Variants in EFCAB11 observed in about 807,000 individuals in gnomAD.
EFCAB11 encodes EF-hand calcium-binding domain-containing protein 11.
EFCAB11 carries 14 observed loss-of-function variants against 23.0 expected under a neutral mutation model. That is an observed-to-expected ratio of 0.61 (90% CI 0.40 to 0.95). EFCAB11 has a LOEUF of 0.95. Ranked by LOEUF, EFCAB11 falls within the 40% of genes least tolerant of loss-of-function variation. The pLI is 0.00. For missense variants in EFCAB11, 198 were observed against 195.8 expected (o/e 1.01, Z -0.07); for synonymous variants, 65 against 66.6 (o/e 0.98, Z 0.11).
chr14:89,826,069 T>C (rs1370304953), intron 5 of EFCAB11, among the ~76,000 whole-genome samples: 2 of 150,960 alleles, frequency 1.3e-5, no homozygotes, highest in African/African-American at 2.5e-5. Context: ...ACAAATAAGA[T>C]CTCTCTTTCT....
chr14:89,817,198 G>C (rs1351425782), intron 5 of EFCAB11, among the ~76,000 whole-genome samples: 4 of 151,998 alleles, frequency 2.6e-5, no homozygotes, highest in Non-Finnish European at 4.4e-5. Flanking sequence ...ACTTAAGAGA[G>C]ATCAGAATGT....
chr14:89,860,110 T>C (rs563498235), intron 5 of EFCAB11, among the ~76,000 whole-genome samples: 2 of 152,222 alleles, frequency 1.3e-5, no homozygotes, highest in South Asian at 4.1e-4. Flanking sequence ...ATGCCTGTAA[T>C]CCCAGCATTT....
intron 5 of EFCAB11, among the ~76,000 whole-genome samples, chr14:89,872,854 G>GAC (rs34058468): frequency 0.26 from 39,330 of 148,746 alleles, 7,497 homozygotes; most frequent in African/African-American, 0.54. Context: ...AAGAGATTAG[G>GAC]ACACACACAC....
intron 5 of EFCAB11, among the ~76,000 whole-genome samples, chr14:89,914,070 C>T (rs573511812): frequency 1.3e-5 from 2 of 152,346 alleles, no homozygotes; most frequent in Admixed American, 6.5e-5. Flanking sequence ...GTGCTCCCTT[C>T]TCCAATCTTA....
chr14:89,848,141 T>C (rs1195590961), intron 5 of EFCAB11, among the ~76,000 whole-genome samples: 1 of 152,216 alleles, frequency 6.6e-6, no homozygotes, highest in Non-Finnish European at 1.5e-5. Context: ...TTAATTTATA[T>C]CATTATCCTG....
At chr14:89,836,664 G>C (rs745955369) in intron 5 of EFCAB11, 1 of 456,724 alleles carries the variant, frequency 2.2e-6, no homozygotes, top group Non-Finnish European at 4.4e-6. Context: ...ATGTACATCT[G>C]TCAGGGTAGA....
rs10530483 is a variant in EFCAB11, at chr14:89,881,452, C to CATATATAT, written c.410+50081_410+50088dup. ...ATTTTTGGTCTACTTTATGACTTGG[C>CATATATAT]ATATATATATATATTCTTTTTTTTT... On this transcript the variant is annotated intron_variant, in intron 5 of 5. Coordinates refer to ENST00000316738, the MANE Select transcript of EFCAB11 (RefSeq NM_145231.4). 1.4e-3 allele frequency among the ~76,000 whole-genome samples: 64 copies of CATATATAT among 46,760 alleles called. 14 individuals are homozygous for CATATATAT. The highest frequency in any genetic ancestry group is 2.6e-3 in the African/African-American group (37 of 13,980). The allele number at this position is 46,760 out of a possible 152,430, so 30.7% of individuals were successfully genotyped here. A position where few individuals can be genotyped will look rare whatever the true frequency, so the allele number is the denominator to read the frequency against.
intron 5 of EFCAB11, among the ~76,000 whole-genome samples, chr14:89,827,590 T>C (rs1886735964): frequency 6.6e-6 from 1 of 152,006 alleles, no homozygotes. Flanking sequence ...TGCACTGCTT[T>C]TTCCATGACC....
At chr14:89,884,744 T>A (rs1888700531) in intron 5 of EFCAB11, among the ~76,000 whole-genome samples, 1 of 152,250 alleles carries the variant, frequency 6.6e-6, no homozygotes, top group Non-Finnish European at 1.5e-5. Flanking sequence ...CCACTCCTGC[T>A]CTAAATTCTG....
intron 5 of EFCAB11, among the ~76,000 whole-genome samples, chr14:89,927,246 G>A (rs1327212280): frequency 2.0e-5 from 3 of 152,164 alleles, no homozygotes; most frequent in African/African-American, 7.2e-5. Flanking sequence ...GTGTAATACG[G>A]GCAAGTACTT....
At chr14:89,821,922 C>T (rs1373479736) in intron 5 of EFCAB11, among the ~76,000 whole-genome samples, 2 of 152,296 alleles carry the variant, frequency 1.3e-5, no homozygotes, top group South Asian at 4.1e-4. Flanking sequence ...TACAAAATAT[C>T]ATTCAAATTT....
At chr14:89,813,918 T>C (rs1886237248) in intron 5 of EFCAB11, among the ~76,000 whole-genome samples, 1 of 152,196 alleles carries the variant, frequency 6.6e-6, no homozygotes, top group Non-Finnish European at 1.5e-5. Flanking sequence ...GGAGAAGGAA[T>C]GCAGTTCCAG....
At chr14:89,932,470 T>C in intron 4 of EFCAB11, 56 bp downstream of exon 4, 1 of 1,358,090 alleles carries the variant, frequency 7.4e-7, no homozygotes, top group South Asian at 1.2e-5. Flanking sequence ...TATAATCCTA[T>C]TTGCAATCCC....
At chr14:89,864,132 C>G (rs568812833) in intron 5 of EFCAB11, among the ~76,000 whole-genome samples, 1 of 152,284 alleles carries the variant, frequency 6.6e-6, no homozygotes, top group East Asian at 1.9e-4. Context: ...TTATGGAATT[C>G]CATCCCCAAC....
intron 5 of EFCAB11, among the ~76,000 whole-genome samples, chr14:89,836,234 T>C (rs973210350): frequency 6.6e-6 from 1 of 152,170 alleles, no homozygotes; most frequent in Non-Finnish European, 1.5e-5. Context: ...GACCCTACCC[T>C]GGGCCCTGCA....
At chr14:89,925,313 TAA>T (rs371966528) in intron 5 of EFCAB11, among the ~76,000 whole-genome samples, 54 of 152,328 alleles carry the variant, frequency 3.5e-4, no homozygotes, top group African/African-American at 1.2e-3. Flanking sequence ...AAAGCCAGGT[TAA>T]AGAGTTTTAA....
intron 5 of EFCAB11, among the ~76,000 whole-genome samples, chr14:89,822,470 C>T: frequency 6.6e-6 from 1 of 152,160 alleles, no homozygotes; most frequent in East Asian, 1.9e-4. Flanking sequence ...ATTTTCAGCA[C>T]CTAGGTTGGA....
At chr14:89,822,109 T>A (rs1042404635) in intron 5 of EFCAB11, among the ~76,000 whole-genome samples, 3 of 152,220 alleles carry the variant, frequency 2.0e-5, no homozygotes, top group African/African-American at 7.2e-5. Context: ...CACTGTGTTA[T>A]CATTGTTTAC....
At chr14:89,904,685 C>T (rs914767719) in intron 5 of EFCAB11, among the ~76,000 whole-genome samples, 2 of 152,120 alleles carry the variant, frequency 1.3e-5, no homozygotes, top group Non-Finnish European at 2.9e-5. Context: ...GAGTGAGATG[C>T]TATCTCATGG....
Sources: gnomAD v4.1 joint callset for allele counts (sites outside exome capture counted in the v4.1 genomes callset) on GRCh38, gnomAD v4.1.1 for gene constraint, MANE v1.5 for transcripts, NCBI Gene and HGNC (gene_info 2026-07-23, HGNC 2026-07-21) for gene names.